Variants in TRPC3 observed in about 807,000 individuals in gnomAD.
TRPC3 encodes transient receptor potential cation channel subfamily C member 3.
Under a neutral mutation model 90.9 loss-of-function variants are expected in TRPC3, and 54 were observed. That is an observed-to-expected ratio of 0.59 (90% CI 0.48 to 0.75). The LOEUF (loss-of-function observed/expected upper bound fraction) is 0.75, where lower values mean the gene tolerates loss of function less well. TRPC3 is among the 30% of genes least tolerant of loss of function. TRPC3 has a pLI of 0.00. For synonymous variants in TRPC3, 424 were observed against 450.9 expected, an observed-to-expected ratio of 0.94 and a Z score of 0.75; for missense variants, 918 against 1,194.5, an observed-to-expected ratio of 0.77 and a Z score of 3.41.
rs781546850 is a variant in TRPC3 at position 121,932,373 on chromosome 4, G to A, written c.885C>T (p.Ala295=). The A allele has an allele frequency of 2.5e-6, 4 of 1,614,160 alleles. No individual in the cohort carries two copies. Among genetic ancestry groups the A allele is most frequent in the Non-Finnish European group, 3.4e-6 (4 of 1,180,018 alleles). Residue 295 remains alanine (A), a synonymous_variant, in exon 2 of 12, where the codon GCC becomes GCT. Transcript: ENST00000379645. The surrounding 1 kb of genome is among the most constrained non-coding windows in gnomAD (Gnocchi z 7.7). The part of the protein sequence containing the change: ...RSRINAYKGL[A]SPAYLSLSSE... ...TGGACAATGAGAGGTAAGCCGGGCT[G>A]GCCAGCCCCTTGTAGGCATTGATCC... is the stretch of plus-strand genomic sequence containing the variant.
rs149986975 is a variant in TRPC3 at position 121,878,640 on chromosome 4, G to A, written c.*1096C>T. On this transcript the variant is annotated 3_prime_UTR_variant, in exon 12 of 12. Transcript: ENST00000379645. ...ACAATTATGTAATAAGGCATATGTA[G>A]ATATATCACAATATATTTTATATAG... 4.5e-4 allele frequency among the ~76,000 whole-genome samples: 69 copies of A among 152,228 alleles called. No individual in the cohort carries two copies. The highest frequency in any genetic ancestry group is 1.7e-3 in the African/African-American group (69 of 41,534).
rs1485089688 is a variant in TRPC3, at chr4:121,878,999, G to GT, written c.*736dup. On this transcript the variant is annotated 3_prime_UTR_variant, in exon 12 of 12. Transcript: ENST00000379645. ...ATCACATTACTGAAAAACAACAAAC[G>GT]TAAGTCTAAGACAGAAAGCAAGCAG... The GT allele has an allele frequency of 6.6e-6, 1 of 152,076 alleles. No individual in the cohort carries two copies. The highest frequency in any genetic ancestry group is 6.6e-5 in the Admixed American group (1 of 15,256). The allele number at this position is 152,076 out of a possible 1,614,324, so 9.4% of individuals were successfully genotyped here. A position where few individuals can be genotyped will look rare whatever the true frequency, so the allele number is the denominator to read the frequency against.
In TRPC3 at chr4:121,910,260, T is replaced by C; in HGVS notation, c.1686A>G (p.Leu562=). Residue 562 remains leucine (L), a synonymous_variant, in exon 6 of 12, where the codon CTA becomes CTG. Coordinates refer to ENST00000379645, the MANE Select transcript of TRPC3 (RefSeq NM_001130698.2). ...IFIAAFTARF[L]AFLQATKAQQ... ...GTGCCTTCGTTGCCTGAAGGAAAGC[T>C]AGGAATCTGGCTGTGAAAGCAGCAA... 18 of 1,613,820 alleles carry C rather than the reference T, an allele frequency of 1.1e-5. No homozygotes were observed. The highest frequency in any genetic ancestry group is 1.5e-5 in the Non-Finnish European group (18 of 1,179,812).
At chr4:121,947,360 G>A (rs1730527113) in intron 1 of TRPC3, among the ~76,000 whole-genome samples, 1 of 152,036 alleles carries the variant, frequency 6.6e-6, no homozygotes, top group South Asian at 2.1e-4. Context: ...ATCACTTGGA[G>A]AATCTGATTC....
intron 7 of TRPC3, among the ~76,000 whole-genome samples, chr4:121,905,884 G>A (rs185353504): frequency 3.3e-5 from 5 of 152,150 alleles, no homozygotes; most frequent in Non-Finnish European, 5.9e-5. Flanking sequence ...ATATCATGGC[G>A]TAGATGCTGA....
chr4:121,900,007 T>C (rs3749475), intron 9 of TRPC3, among the ~76,000 whole-genome samples: 15,003 of 152,208 alleles, frequency 0.099, 1,601 homozygotes, highest in African/African-American at 0.26. Flanking sequence ...TATCAAAATG[T>C]ACTCAAGGCA....
At chr4:121,896,372 T>C (rs1728516171) in intron 10 of TRPC3, among the ~76,000 whole-genome samples, 1 of 152,142 alleles carries the variant, frequency 6.6e-6, no homozygotes, top group Non-Finnish European at 1.5e-5. Context: ...GAAGTCAAAT[T>C]GTCCCTGTTT....
intron 3 of TRPC3, 68 bp downstream of exon 3, chr4:121,924,950 G>T: frequency 6.8e-7 from 1 of 1,476,904 alleles, no homozygotes; most frequent in Non-Finnish European, 9.1e-7. Context: ...AATTTTCCTA[G>T]GATTATGGCA....
At position 121,951,694 on chromosome 4, in the gene TRPC3, G is replaced by C; in HGVS notation, c.-14C>G. 2 of 1,309,104 alleles carry C rather than the reference G, an allele frequency of 1.5e-6. No individual in the cohort carries two copies. The highest frequency in any genetic ancestry group is 2.2e-4 in the Middle Eastern group (1 of 4,450). The allele number at this position is 1,309,104 out of a possible 1,614,324, so 81.1% of individuals were successfully genotyped here. A position where few individuals can be genotyped will look rare whatever the true frequency, so the allele number is the denominator to read the frequency against. ...CTTGGTGGACATCGCGCCGGCTGCG[G>C]TCCGAGTGTGGGGGTGCCGGCTGCC... On this transcript the variant is annotated 5_prime_UTR_variant, in exon 1 of 12. Transcript: ENST00000379645. The surrounding 1 kb of genome is among the most constrained non-coding windows in gnomAD (Gnocchi z 4.4).
At position 121,906,206 on chromosome 4, in the gene TRPC3, C is replaced by A. The variant is rs150545385; in HGVS notation, c.2057+1097G>T. 4.9e-3 allele frequency among the ~76,000 whole-genome samples: 751 copies of A among 152,188 alleles called. 2 individuals carry two copies. The highest frequency in any genetic ancestry group is 0.01 in the Admixed American group (158 of 15,266). ...ACTGACACTGAGAAATGTTCAGGAA[C>A]TTAACCAAAAGCCACAGCTAGAAAC... is the stretch of plus-strand genomic sequence containing the variant. On this transcript the variant is annotated intron_variant, in intron 7 of 11. Coordinates refer to ENST00000379645, the MANE Select transcript of TRPC3 (RefSeq NM_001130698.2).
At position 121,878,840 on chromosome 4, in the gene TRPC3, A is replaced by G. The variant is rs1578588732; in HGVS notation, c.*896T>C. On this transcript the variant is annotated 3_prime_UTR_variant, in exon 12 of 12. Coordinates refer to ENST00000379645, the MANE Select transcript of TRPC3 (RefSeq NM_001130698.2). ...TTTCTTCCCATGAGCAGACCCTCCA[A>G]AACTCAGCAGGGAGCTCACAGGTGA... is the stretch of plus-strand genomic sequence containing the variant. Among the ~76,000 whole-genome samples the G allele has an allele frequency of 6.6e-6, 1 of 152,134 alleles. No homozygotes were observed. The highest frequency in any genetic ancestry group is 1.9e-4 in the East Asian group (1 of 5,190).
intron 1 of TRPC3, among the ~76,000 whole-genome samples, chr4:121,948,509 G>T (rs1401874947): frequency 2.6e-5 from 4 of 152,066 alleles, no homozygotes; most frequent in African/African-American, 9.7e-5. Context: ...TCCAGAGTGG[G>T]TTTGCTCAAA....
At chr4:121,905,887 G>A (rs146244437) in intron 7 of TRPC3, among the ~76,000 whole-genome samples, 5 of 152,192 alleles carry the variant, frequency 3.3e-5, no homozygotes, top group Non-Finnish European at 5.9e-5. Context: ...TCATGGCGTA[G>A]ATGCTGACAG....
intron 10 of TRPC3, among the ~76,000 whole-genome samples, chr4:121,889,954 G>T (rs1337377030): frequency 6.6e-6 from 1 of 152,106 alleles, no homozygotes; most frequent in Non-Finnish European, 1.5e-5. Context: ...AGAAAGTATG[G>T]TTGTATATAT....
Position 121,932,283 on chromosome 4 carries a change from C to G in TRPC3, c.975G>C (p.Glu325Asp), listed in dbSNP as rs773830509. The G allele has an allele frequency of 6.2e-7, 1 of 1,613,896 alleles. No homozygotes were observed. The highest frequency in any genetic ancestry group is 8.5e-7 in the Non-Finnish European group (1 of 1,179,832). The change falls in exon 2 of 12, where the codon GAG (glutamate) becomes GAC (aspartate). Residue 325 changes from glutamate (E) to aspartate (D), a missense_variant. Physicochemically the swap from Glu to Asp is conservative, Grantham distance 45. This residue lies in a region of TRPC3 where 609 missense variants were observed against 725.9 expected (regional missense o/e 0.84). Coordinates refer to ENST00000379645, the MANE Select transcript of TRPC3 (RefSeq NM_001130698.2). The surrounding 1 kb of genome is among the most constrained non-coding windows in gnomAD (Gnocchi z 7.7). Reference protein sequence around the residue: ...SNELAKLANIEKEFKNDYRKL... With the variant: ...SNELAKLANIDKEFKNDYRKL... ...GCGCAAAGCTTACCTTGAACTCCTT[C>G]TCTATGTTGGCCAGCTTGGCCAGCT...
chr4:121,916,439 T>C (rs573283970), intron 3 of TRPC3, among the ~76,000 whole-genome samples: 2 of 152,280 alleles, frequency 1.3e-5, no homozygotes, highest in South Asian at 4.1e-4. Context: ...GAATATTAGA[T>C]TTGAAATAAT....
At chr4:121,895,628 T>A (rs186726314) in intron 10 of TRPC3, among the ~76,000 whole-genome samples, 1 of 151,962 alleles carries the variant, frequency 6.6e-6, no homozygotes, top group Non-Finnish European at 1.5e-5. Context: ...TCTACCAAGA[T>A]TGAACCAAGA....
In TRPC3 at chr4:121,926,568, G is replaced by A. The variant is rs563148038; in HGVS notation, c.988-1362C>T. On this transcript the variant is annotated intron_variant, in intron 2 of 11. Transcript: ENST00000379645. ...ATTATAGGCATGTGCCACCACACCCGGCTATCTTTTGTATTTTCAGTAGAG... is the reference window on the plus strand; with the variant it reads ...ATTATAGGCATGTGCCACCACACCCAGCTATCTTTTGTATTTTCAGTAGAG... Among the ~76,000 whole-genome samples, 35 of 151,884 alleles carry A rather than the reference G, an allele frequency of 2.3e-4. 1 individual carries two copies. The highest frequency in any genetic ancestry group is 8.4e-4 in the South Asian group (4 of 4,790).
intron 5 of TRPC3, 148 bp from the exon 6 acceptor site, chr4:121,910,535 T>C (rs977341490): frequency 3.0e-6 from 2 of 656,874 alleles, no homozygotes; most frequent in Non-Finnish European, 5.3e-6. Context: ...GACTGTATGG[T>C]CACTGAGGCC....
Sources: allele counts gnomAD v4.1 joint callset (sites outside exome capture counted in the v4.1 genomes callset), GRCh38; gene constraint gnomAD v4.1.1; regional missense constraint gnomAD v4.1.1; non-coding constraint Gnocchi (gnomAD v3.1); transcripts MANE v1.5; gene names NCBI Gene and HGNC (gene_info 2026-07-23, HGNC 2026-07-21).